The following GSDME variants were observed in gnomAD, a reference collection of about 807,000 sequenced individuals.
GSDME encodes the protein gasdermin E.
A neutral mutation model predicts 47.5 loss-of-function variants in GSDME; 44 were observed. The ratio of observed to expected loss-of-function variants is 0.93; its 90% CI spans 0.73 to 1.19. GSDME has a LOEUF of 1.19. GSDME is among the 50% of genes most tolerant of loss of function. The probability of loss-of-function intolerance (pLI) is 0.00; values close to 1 mark genes in which losing one functional copy is unlikely to be tolerated. For synonymous variants in GSDME, 258 were observed against 252.8 expected, an observed-to-expected ratio of 1.02 and a Z score of -0.20; for missense variants, 663 against 604.2, an observed-to-expected ratio of 1.10 and a Z score of -1.02.
rs1312668954 is a variant in GSDME, at chr7:24,726,523, C to T, written c.405-7305G>A. On this transcript the variant is annotated intron_variant, in intron 3 of 9. Coordinates refer to ENST00000645220, the MANE Select transcript of GSDME (RefSeq NM_001127453.2). The surrounding 1 kb of genome is among the most constrained non-coding windows in gnomAD (Gnocchi z 5.6). Reference sequence around the variant, plus strand: ...AGCAGGGTCCTCTTACACAAAAACCCTTGATAGTAACAATGGTAGGCCGGG... The same window carrying T: ...AGCAGGGTCCTCTTACACAAAAACCTTTGATAGTAACAATGGTAGGCCGGG... Among the ~76,000 whole-genome samples, 1 of 152,174 alleles carries T rather than the reference C, an allele frequency of 6.6e-6. No homozygotes were observed. Among genetic ancestry groups the T allele is most frequent in the African/African-American group, 2.4e-5 (1 of 41,434 alleles).
intron 5 of GSDME, chr7:24,717,007 A>G (rs558093818): frequency 3.8e-6 from 2 of 529,792 alleles, no homozygotes; most frequent in East Asian, 7.1e-5. Flanking sequence ...GTGCTGGTGG[A>G]ACTTTGCCCC....
At position 24,756,788 on chromosome 7, in the gene GSDME, G is replaced by A. The variant is rs146075897; in HGVS notation, c.-20+608C>T. ...AAATGGAGACCAAAGGAAGCCACGC[G>A]GGCAGCTCTTGAGAGCCATTCCAGC... On this transcript the variant is annotated intron_variant, in intron 1 of 9. Coordinates refer to ENST00000645220, the MANE Select transcript of GSDME (RefSeq NM_001127453.2). The surrounding 1 kb of genome is among the most constrained non-coding windows in gnomAD (Gnocchi z 4.2). Among the ~76,000 whole-genome samples the A allele has an allele frequency of 2.6e-5, 4 of 152,284 alleles. No individual in the cohort carries two copies. The highest frequency in any genetic ancestry group is 3.9e-4 in the East Asian group (2 of 5,174).
upstream of GSDME, among the ~76,000 whole-genome samples, chr7:24,762,808 G>A (rs987553397): frequency 7.2e-6 from 1 of 138,814 alleles, no homozygotes; most frequent in African/African-American, 2.6e-5. Context: ...TTTCCTACTC[G>A]GTAAACAGTC....
chr7:24,713,985 A>T (rs1249013813), intron 5 of GSDME, among the ~76,000 whole-genome samples: 1 of 152,122 alleles, frequency 6.6e-6, no homozygotes. Context: ...AAGCAGGGAG[A>T]TGGTGTTAGG....
chr7:24,780,844 G>A, the GSDME span, among the ~76,000 whole-genome samples: 1 of 152,124 alleles, frequency 6.6e-6, no homozygotes, highest in East Asian at 1.9e-4. This position sits in a 1 kb window ranked among gnomAD's most constrained non-coding sequence, Gnocchi z 4.1. Context: ...TCTGAGTTTG[G>A]TGTGTATAAG....
the GSDME span, among the ~76,000 whole-genome samples, chr7:24,783,353 G>A: frequency 2.0e-5 from 3 of 152,130 alleles, no homozygotes; most frequent in Non-Finnish European, 4.4e-5. Context: ...GGGACAGTAA[G>A]GGAGCCTTAG....
At chr7:24,780,388 T>C in the GSDME span, among the ~76,000 whole-genome samples, 9 of 152,218 alleles carry the variant, frequency 5.9e-5, no homozygotes, top group Admixed American at 5.9e-4. The surrounding 1 kb of genome is among the most constrained non-coding windows in gnomAD (Gnocchi z 4.1). Context: ...TATCATCTGG[T>C]ACACAGCAGA....
At chr7:24,701,010 A>G (rs553229761) in intron 9 of GSDME, among the ~76,000 whole-genome samples, 1 of 152,210 alleles carries the variant, frequency 6.6e-6, no homozygotes, top group Non-Finnish European at 1.5e-5. Flanking sequence ...ATTCTAACTC[A>G]CCCTTTCACC....
chr7:24,743,238 A>G (rs117571533), intron 3 of GSDME, among the ~76,000 whole-genome samples: 414 of 152,352 alleles, frequency 2.7e-3, no homozygotes, highest in Non-Finnish European at 4.9e-3. Context: ...TTTTAAACAT[A>G]ATTTTGTGGA....
At chr7:24,731,377 G>A (rs1323949591) in intron 3 of GSDME, among the ~76,000 whole-genome samples, 3 of 152,328 alleles carry the variant, frequency 2.0e-5, no homozygotes, top group Non-Finnish European at 2.9e-5. Context: ...CCAGAGCCCC[G>A]CCGACTTTCA....
Position 24,744,752 on chromosome 7 carries a change from C to T in GSDME, c.214G>A (p.Val72Ile). The T allele has an allele frequency of 1.2e-6, 2 of 1,614,012 alleles. No individual in the cohort carries two copies. The highest frequency in any genetic ancestry group is 1.7e-6 in the Non-Finnish European group (2 of 1,180,022). ...LIEDQFPSPV[V>I]VESDFVKYEG... Reference sequence around the variant, plus strand: ...TATTTCACAAAGTCCGACTCCACGACCACTGGAATGGAGGAGACGAGCAGA... The same window carrying T: ...TATTTCACAAAGTCCGACTCCACGATCACTGGAATGGAGGAGACGAGCAGA... The change falls in exon 3 of 10, where the codon GTC becomes ATC. Residue 72 changes from valine to isoleucine, a missense_variant and splice_region_variant. Transcript: ENST00000645220. The surrounding 1 kb of genome is among the most constrained non-coding windows in gnomAD (Gnocchi z 4.5).
chr7:24,776,052 A>C, the GSDME span, among the ~76,000 whole-genome samples: 6 of 151,328 alleles, frequency 4.0e-5, no homozygotes, highest in Non-Finnish European at 5.9e-5. Flanking sequence ...TGGTAGCGGG[A>C]GCCTGTAATC....
At position 24,700,097 on chromosome 7, in the gene GSDME, C is replaced by G. The variant is rs143155092; in HGVS notation, c.1258-838G>C. ...TCTAGCTACCCCCAGCCCCAGAACTCAGCCTTATGTTACTCCATTATGTTG... is the reference window on the plus strand; with the variant it reads ...TCTAGCTACCCCCAGCCCCAGAACTGAGCCTTATGTTACTCCATTATGTTG... On this transcript the variant is annotated intron_variant, in intron 9 of 9. Transcript: ENST00000645220. Among the ~76,000 whole-genome samples the G allele has an allele frequency of 1.7e-4, 26 of 152,274 alleles. No individual in the cohort carries two copies. The East Asian group carries it at 4.6e-3, about 27-fold the overall frequency.
Position 24,716,830 on chromosome 7 carries a change from C to T in GSDME, c.697+424G>A. 3.6e-6 allele frequency: 1 copy of T among 280,906 alleles called. No individual in the cohort carries two copies. Among genetic ancestry groups the T allele is most frequent in the Middle Eastern group, 6.0e-4 (1 of 1,674 alleles). The allele number at this position is 280,906 out of a possible 1,614,324, so 17.4% of individuals were successfully genotyped here. On this transcript the variant is annotated intron_variant, in intron 5 of 9. Transcript: ENST00000645220. This position sits in a 1 kb window ranked among gnomAD's most constrained non-coding sequence, Gnocchi z 4.5. ...CATCTCATTAAATCTTCACACAGCC[C>T]TGTGAAGAAATGCCCTTCACCTTCC...
chr7:24,746,116 C>G (rs537851912), intron 2 of GSDME, among the ~76,000 whole-genome samples: 1 of 152,302 alleles, frequency 6.6e-6, no homozygotes, highest in African/African-American at 2.4e-5. Context: ...CACTCCTCAA[C>G]CAGGGTTAAT....
rs1475705928 is a variant in GSDME, at chr7:24,726,383, G to T, written c.405-7165C>A. Among the ~76,000 whole-genome samples the T allele has an allele frequency of 6.6e-6, 1 of 152,130 alleles. No homozygotes were observed. Among genetic ancestry groups the T allele is most frequent in the Non-Finnish European group, 1.5e-5 (1 of 68,024 alleles). On this transcript the variant is annotated intron_variant, in intron 3 of 9. Coordinates refer to ENST00000645220, the MANE Select transcript of GSDME (RefSeq NM_001127453.2). This position sits in a 1 kb window ranked among gnomAD's most constrained non-coding sequence, Gnocchi z 5.6. ...ACAGGAGGGCGAGCTTTGTCATGCA[G>T]ACCCCACACTTCAACTCTCCTTCAT...
the GSDME span, among the ~76,000 whole-genome samples, chr7:24,776,496 T>G: frequency 6.6e-6 from 1 of 152,228 alleles, no homozygotes; most frequent in East Asian, 1.9e-4. Flanking sequence ...TTGTTTCATC[T>G]GTACCCAGCT....
At chr7:24,791,075 C>T in the GSDME span, among the ~76,000 whole-genome samples, 8 of 152,172 alleles carry the variant, frequency 5.3e-5, no homozygotes, top group South Asian at 2.1e-4. The surrounding 1 kb of genome is among the most constrained non-coding windows in gnomAD (Gnocchi z 4.8). Flanking sequence ...AGGGATTCTC[C>T]GGGCTTGGTC....
At chr7:24,776,330 T>C in the GSDME span, among the ~76,000 whole-genome samples, 1 of 152,176 alleles carries the variant, frequency 6.6e-6, no homozygotes, top group East Asian at 1.9e-4. Context: ...CTGAGTCAGA[T>C]TGTGTCTGTC....
Sources: allele counts gnomAD v4.1 joint callset (sites outside exome capture counted in the v4.1 genomes callset), GRCh38; gene constraint gnomAD v4.1.1; non-coding constraint Gnocchi (gnomAD v3.1); transcripts MANE v1.5; gene names NCBI Gene and HGNC (gene_info 2026-07-23, HGNC 2026-07-21).